GAS2: variants seen among roughly 807,000 people sequenced by gnomAD.
GAS2 encodes the protein growth arrest-specific protein 2.
In GAS2, 20 loss-of-function variants were observed where a neutral mutation model predicts 37.5. The observed-to-expected ratio is 0.53, with a 90% CI of 0.37 to 0.77. GAS2 has a LOEUF of 0.77. Ranked by LOEUF, GAS2 falls within the 30% of genes least tolerant of loss-of-function variation. The probability of loss-of-function intolerance (pLI) is 0.00; values close to 1 mark genes in which losing one functional copy is unlikely to be tolerated. For synonymous variants in GAS2, 144 were observed against 132.2 expected (o/e 1.09, Z -0.61); for missense variants, 336 against 373.4 (o/e 0.90, Z 0.82).
intron 7 of GAS2, 102 bp from the exon 8 acceptor site, chr11:22,811,696 T>C: frequency 8.9e-7 from 1 of 1,129,540 alleles, no homozygotes; most frequent in Non-Finnish European, 1.3e-6. Flanking sequence ...CAATGGGTCA[T>C]GAAATACAAA....
chr11:22,718,225 C>A (rs528259306), intron 3 of GAS2, among the ~76,000 whole-genome samples: 1 of 151,930 alleles, frequency 6.6e-6, no homozygotes, highest in Middle Eastern at 3.4e-3. Flanking sequence ...GCCTAAATAT[C>A]CATCAACTAA....
intron 3 of GAS2, among the ~76,000 whole-genome samples, chr11:22,702,923 G>A (rs7113978): frequency 1.9e-4 from 29 of 152,174 alleles, no homozygotes; most frequent in African/African-American, 6.7e-4. Flanking sequence ...CTTATAAAGA[G>A]CCCCTTCAAA....
chr11:22,654,148 A>G (rs1325280407), intron 1 of GAS2, among the ~76,000 whole-genome samples: 1 of 152,210 alleles, frequency 6.6e-6, no homozygotes, highest in Non-Finnish European at 1.5e-5. Context: ...TCCATGAGCA[A>G]AATAACTTTG....
intron 2 of GAS2, among the ~76,000 whole-genome samples, chr11:22,683,559 G>T (rs542976102): frequency 8.5e-5 from 13 of 152,140 alleles, no homozygotes; most frequent in Middle Eastern, 3.4e-3. Flanking sequence ...CACTGCACCC[G>T]GCCAGATTAT....
intron 1 of GAS2, among the ~76,000 whole-genome samples, chr11:22,646,256 A>G (rs540245942): frequency 6.6e-6 from 1 of 152,304 alleles, no homozygotes; most frequent in South Asian, 2.1e-4. Context: ...TAGCTCTCTG[A>G]TGTGATAATT....
At chr11:22,647,701 C>T (rs1313379181) in intron 1 of GAS2, among the ~76,000 whole-genome samples, 9 of 152,070 alleles carry the variant, frequency 5.9e-5, no homozygotes, top group South Asian at 4.2e-4. Context: ...TCATGTGTTT[C>T]TTGGCTGCAT....
intron 7 of GAS2, among the ~76,000 whole-genome samples, chr11:22,809,443 A>T (rs1857036783): frequency 6.6e-6 from 1 of 152,082 alleles, no homozygotes. Flanking sequence ...TTAAGTTTCA[A>T]GTTTAAGACA....
chr11:22,679,411 A>G (rs569002900), intron 2 of GAS2, among the ~76,000 whole-genome samples: 1 of 152,244 alleles, frequency 6.6e-6, no homozygotes, highest in Non-Finnish European at 1.5e-5. Context: ...ATATTAGAAC[A>G]TGAAATGCAT....
At chr11:22,805,495 T>A (rs1856843897) in intron 7 of GAS2, among the ~76,000 whole-genome samples, 1 of 152,120 alleles carries the variant, frequency 6.6e-6, no homozygotes, top group Non-Finnish European at 1.5e-5. Context: ...CTTTCTGTAA[T>A]TATATATCCT....
chr11:22,787,716 A>G lies in GAS2; in HGVS notation c.724-24082A>G, dbSNP rs200218458. On this transcript the variant is annotated intron_variant, in intron 7 of 7. Transcript: ENST00000454584. Reference sequence around the variant, plus strand: ...TCTGATAGAATTTAAACAATGCAGCACTGCATTTTTATTCGGGGACAAACC... The same window carrying G: ...TCTGATAGAATTTAAACAATGCAGCGCTGCATTTTTATTCGGGGACAAACC... Among the ~76,000 whole-genome samples the G allele has an allele frequency of 2.5e-3, 378 of 152,318 alleles. 2 individuals carry two copies. Among genetic ancestry groups the G allele is most frequent in the African/African-American group, 7.9e-3 (329 of 41,580 alleles).
intron 1 of GAS2, among the ~76,000 whole-genome samples, chr11:22,653,511 G>T (rs1340487768): frequency 6.6e-6 from 1 of 152,150 alleles, no homozygotes; most frequent in Non-Finnish European, 1.5e-5. Flanking sequence ...ATCACTTCCA[G>T]ATCTATATGA....
intron 1 of GAS2, among the ~76,000 whole-genome samples, chr11:22,652,853 C>G (rs962770282): frequency 6.6e-6 from 1 of 152,170 alleles, no homozygotes; most frequent in Non-Finnish European, 1.5e-5. Flanking sequence ...TCCGGTACCT[C>G]AGATGGAAAT....
chr11:22,709,141 A>T (rs1851271575), intron 3 of GAS2, among the ~76,000 whole-genome samples: 2 of 152,034 alleles, frequency 1.3e-5, no homozygotes, highest in Non-Finnish European at 1.5e-5. Context: ...ACTCAATCAA[A>T]TTTTCCATTT....
intron 1 of GAS2, chr11:22,668,254 CTTTCCTCT>C (rs1455699286): frequency 2.0e-5 from 3 of 152,480 alleles, no homozygotes; most frequent in African/African-American, 7.2e-5. Flanking sequence ...TCAAGGAATG[CTTTCCTCT>C]AACTGCGGTG....
At chr11:22,768,764 C>G (rs1354626227) in intron 7 of GAS2, among the ~76,000 whole-genome samples, 1 of 152,144 alleles carries the variant, frequency 6.6e-6, no homozygotes, top group African/African-American at 2.4e-5. Context: ...TTCCTAAAGT[C>G]TGGCTTCATA....
At chr11:22,740,770 A>C (rs1191182647) in intron 5 of GAS2, among the ~76,000 whole-genome samples, 1 of 152,202 alleles carries the variant, frequency 6.6e-6, no homozygotes, top group East Asian at 1.9e-4. Context: ...CATACATTAG[A>C]CATATATCTA....
intron 6 of GAS2, among the ~76,000 whole-genome samples, chr11:22,752,548 G>T (rs1853799770): frequency 6.6e-6 from 1 of 151,898 alleles, no homozygotes; most frequent in African/African-American, 2.4e-5. Flanking sequence ...TTTTAGAATA[G>T]AAATATAAAA....
intron 1 of GAS2, among the ~76,000 whole-genome samples, chr11:22,630,653 C>T (rs1858731275): frequency 6.6e-6 from 1 of 152,176 alleles, no homozygotes; most frequent in Non-Finnish European, 1.5e-5. Flanking sequence ...TGTCAAAGAT[C>T]AGTTGATTGT....
At chr11:22,755,229 T>C (rs1376319042) in intron 6 of GAS2, among the ~76,000 whole-genome samples, 2 of 152,078 alleles carry the variant, frequency 1.3e-5, no homozygotes, top group Non-Finnish European at 2.9e-5. Context: ...ACATAAGCTA[T>C]AAAACATGGT....
Sources: gnomAD v4.1 joint callset for allele counts (sites outside exome capture counted in the v4.1 genomes callset) on GRCh38, gnomAD v4.1.1 for gene constraint, MANE v1.5 for transcripts, NCBI Gene and HGNC (gene_info 2026-07-23, HGNC 2026-07-21) for gene names.